The following DTNA variants were observed in gnomAD, a reference collection of about 807,000 sequenced individuals.
DTNA encodes the protein dystrophin-related protein 3.
DTNA carries 43 observed loss-of-function variants against 100.7 expected under a neutral mutation model. The ratio of observed to expected loss-of-function variants is 0.43; its 90% CI spans 0.33 to 0.55. The LOEUF is 0.55. DTNA is among the 20% of genes least tolerant of loss of function. The pLI, the probability that DTNA is intolerant of heterozygous loss-of-function variation, is 0.04. For synonymous variants in DTNA, 349 were observed against 347.9 expected (o/e 1.00, Z -0.04); for missense variants, 798 against 953.9 (o/e 0.84, Z 2.15).
chr18:34,537,391 T>C (rs2043819855), intron 1 of DTNA, among the ~76,000 whole-genome samples: 2 of 151,792 alleles, frequency 1.3e-5, no homozygotes, highest in African/African-American at 4.8e-5. Context: ...ACAAGAAAAG[T>C]CACAGAAGCA....
chr18:34,587,941 C>T (rs1039072504), intron 1 of DTNA, among the ~76,000 whole-genome samples: 1 of 152,222 alleles, frequency 6.6e-6, no homozygotes, highest in African/African-American at 2.4e-5. Context: ...TTACATTCAG[C>T]AGTCAGTCCA....
intron 1 of DTNA, among the ~76,000 whole-genome samples, chr18:34,553,183 G>A (rs1434922507): frequency 4.0e-4 from 61 of 151,944 alleles, no homozygotes; most frequent in Non-Finnish European, 8.1e-4. Flanking sequence ...CTTCTTTTGA[G>A]AAGTGTCTGT....
rs1291285646 is a variant in DTNA at position 34,835,289 on chromosome 18, T to G, written c.1176-2805T>G. Reference sequence around the variant, plus strand: ...TTTATTTCCAGAAACTCATGTATGTTCACGGTGTAACTCCCATATTTTCCA... The same window carrying G: ...TTTATTTCCAGAAACTCATGTATGTGCACGGTGTAACTCCCATATTTTCCA... On this transcript the variant is annotated intron_variant, in intron 11 of 22. Coordinates refer to ENST00000444659, the MANE Select transcript of DTNA (RefSeq NM_001386795.1). Among the ~76,000 whole-genome samples the G allele has an allele frequency of 3.3e-5, 5 of 152,224 alleles. No homozygotes were observed. The South Asian group carries it at 8.3e-4, about 25-fold the overall frequency.
intron 1 of DTNA, among the ~76,000 whole-genome samples, chr18:34,531,421 G>A (rs889333076): frequency 1.3e-5 from 2 of 152,076 alleles, no homozygotes; most frequent in Non-Finnish European, 2.9e-5. Flanking sequence ...GATTACATAA[G>A]CTATTTTTTT....
At chr18:34,745,700 A>C (rs1240429661) in intron 1 of DTNA, among the ~76,000 whole-genome samples, 1 of 152,150 alleles carries the variant, frequency 6.6e-6, no homozygotes, top group Non-Finnish European at 1.5e-5. Flanking sequence ...TGCTCTGTAG[A>C]TGTGTCCACT....
intron 15 of DTNA, among the ~76,000 whole-genome samples, chr18:34,854,166 C>T (rs1345883768): frequency 6.6e-6 from 1 of 152,052 alleles, no homozygotes. Context: ...ATGGAGGGGC[C>T]GTCCTCAAAT....
chr18:34,509,155 A>C (rs1156828961), intron 1 of DTNA, among the ~76,000 whole-genome samples: 1 of 152,130 alleles, frequency 6.6e-6, no homozygotes, highest in African/African-American at 2.4e-5. Flanking sequence ...TGTTTGCTCA[A>C]TAATACCATT....
intron 16 of DTNA, among the ~76,000 whole-genome samples, chr18:34,860,234 T>TG (rs1352230617): frequency 2.9e-5 from 4 of 138,684 alleles, no homozygotes; most frequent in Non-Finnish European, 4.7e-5. Flanking sequence ...TTTTTTTTTT[T>TG]TTTTTTTTTT....
At chr18:34,778,170 G>A (rs1294209402) in intron 3 of DTNA, among the ~76,000 whole-genome samples, 2 of 152,180 alleles carry the variant, frequency 1.3e-5, no homozygotes, top group Non-Finnish European at 2.9e-5. Context: ...TGGAACTTAA[G>A]AGCATCATTC....
chr18:34,756,075 A>G (rs1303196611), intron 2 of DTNA, 32 bp downstream of exon 2: 2 of 1,599,790 alleles, frequency 1.3e-6, no homozygotes, highest in South Asian at 2.2e-5. Context: ...AACACCCTAT[A>G]GTTTCCATTG....
At chr18:34,636,382 T>C (rs1041634842) in intron 1 of DTNA, among the ~76,000 whole-genome samples, 3 of 152,226 alleles carry the variant, frequency 2.0e-5, no homozygotes, top group Non-Finnish European at 2.9e-5. Context: ...CCCAAAGTGC[T>C]AGGATTACAG....
intron 1 of DTNA, among the ~76,000 whole-genome samples, chr18:34,623,858 T>C (rs963374724): frequency 1.3e-5 from 2 of 152,208 alleles, no homozygotes; most frequent in Non-Finnish European, 2.9e-5. Flanking sequence ...TTAAAAACTA[T>C]AATTTGGAAG....
chr18:34,798,953 A>G (rs2095100462), intron 4 of DTNA, among the ~76,000 whole-genome samples: 1 of 152,188 alleles, frequency 6.6e-6, no homozygotes, highest in Non-Finnish European at 1.5e-5. Context: ...AGCTCTATTC[A>G]TGCTTTCTGT....
At chr18:34,857,523 C>T (rs1257040644) in intron 15 of DTNA, among the ~76,000 whole-genome samples, 1 of 152,158 alleles carries the variant, frequency 6.6e-6, no homozygotes, top group Non-Finnish European at 1.5e-5. Flanking sequence ...TTATGGCTAG[C>T]CTAATGCTCA....
intron 1 of DTNA, among the ~76,000 whole-genome samples, chr18:34,568,212 G>A (rs1411349337): frequency 3.9e-5 from 6 of 151,944 alleles, no homozygotes; most frequent in South Asian, 2.1e-4. Context: ...GATAAGTCAA[G>A]CCATTTTATT....
intron 1 of DTNA, among the ~76,000 whole-genome samples, chr18:34,754,844 C>T (rs2092660331): frequency 1.3e-5 from 2 of 152,184 alleles, no homozygotes; most frequent in South Asian, 2.1e-4. Flanking sequence ...AGGCACCAAA[C>T]CCAGGCAGTT....
At position 34,516,352 on chromosome 18, in the gene DTNA, G is replaced by A. The variant is rs556166384; in HGVS notation, c.-2+22838G>A. Among the ~76,000 whole-genome samples, 339 of 152,224 alleles carry A rather than the reference G, an allele frequency of 2.2e-3. 1 individual carries two copies. Among genetic ancestry groups the A allele is most frequent in the Non-Finnish European group, 4.1e-3 (278 of 68,008 alleles). On this transcript the variant is annotated intron_variant, in intron 1 of 19. Coordinates refer to the DTNA transcript ENST00000283365. ...CACAAGGCAAATGAAGCCAGAGCAAGATCACAGGACCAGGGCGAAATTGGA... is the reference window on the plus strand; with the variant it reads ...CACAAGGCAAATGAAGCCAGAGCAAAATCACAGGACCAGGGCGAAATTGGA...
chr18:34,800,350 T>C (rs1404213310), intron 4 of DTNA, among the ~76,000 whole-genome samples: 1 of 152,210 alleles, frequency 6.6e-6, no homozygotes, highest in Non-Finnish European at 1.5e-5. Flanking sequence ...ATCTCCAACA[T>C]GTTGTGAGCA....
intron 1 of DTNA, among the ~76,000 whole-genome samples, chr18:34,641,563 T>C (rs1300877591): frequency 3.3e-5 from 5 of 152,218 alleles, no homozygotes; most frequent in African/African-American, 1.2e-4. Flanking sequence ...GGTGGAACAA[T>C]ATCAATAATT....
Sources: gnomAD v4.1 joint callset for allele counts (sites outside exome capture counted in the v4.1 genomes callset) on GRCh38, gnomAD v4.1.1 for gene constraint, MANE v1.5 for transcripts, NCBI Gene and HGNC (gene_info 2026-07-23, HGNC 2026-07-21) for gene names.